Variants in ACOT2 observed in about 807,000 individuals in gnomAD.
The protein encoded by ACOT2 is acyl-CoA thioesterase 2.
Under a neutral mutation model 20.1 loss-of-function variants are expected in ACOT2, and 15 were observed. The ratio of observed to expected loss-of-function variants is 0.75; its 90% CI spans 0.50 to 1.15. ACOT2 has a LOEUF of 1.15. Ranked by LOEUF, ACOT2 falls within the 50% of genes most tolerant of loss-of-function variation. ACOT2 has a pLI of 0.00. For missense variants in ACOT2, 479 were observed against 615.3 expected (o/e 0.78, Z 2.34); for synonymous variants, 252 against 268.4 (o/e 0.94, Z 0.60).
Position 73,569,740 on chromosome 14 carries a change from A to G in ACOT2, c.500A>G (p.Glu167Gly), listed in dbSNP as rs575389126. The G allele has an allele frequency of 6.2e-7, 1 of 1,609,412 alleles. No homozygotes were observed. Among genetic ancestry groups the G allele is most frequent in the South Asian group, 1.1e-5 (1 of 90,860 alleles). ...GACGTGCGAACGCCCTTGGCCGTGGAGCTGGAGGTGCTGGATGGCCACGAC... is the reference window on the plus strand; with the variant it reads ...GACGTGCGAACGCCCTTGGCCGTGGGGCTGGAGGTGCTGGATGGCCACGAC... Reference protein sequence around the residue: ...KRDVRTPLAVELEVLDGHDPD... With the variant: ...KRDVRTPLAVGLEVLDGHDPD... Residue 167 changes from glutamate to glycine, a missense_variant, in exon 1 of 3, where the codon GAG (glutamate) becomes GGG (glycine). Physicochemically the swap from Glu to Gly is moderately conservative, Grantham distance 98. This residue lies in a region of ACOT2 where 400 missense variants were observed against 395.5 expected (regional missense o/e 1.01). Coordinates refer to ENST00000238651, the MANE Select transcript of ACOT2 (RefSeq NM_006821.6).
At chr14:73,570,023 G>T in intron 1 of ACOT2, 140 bp downstream of exon 1, 1 of 1,336,870 alleles carries the variant, frequency 7.5e-7, no homozygotes, top group Non-Finnish European at 9.9e-7. Context: ...CGAATTCCTG[G>T]TCTCCAGCTA....
intron 1 of ACOT2, among the ~76,000 whole-genome samples, chr14:73,570,951 T>C (rs1431214086): frequency 1.3e-5 from 2 of 150,296 alleles, no homozygotes; most frequent in Non-Finnish European, 3.0e-5. Flanking sequence ...TTAATGTTCT[T>C]ATTTATGTAT....
chr14:73,570,945 T>A (rs1288756899), intron 1 of ACOT2, among the ~76,000 whole-genome samples: 2 of 150,344 alleles, frequency 1.3e-5, no homozygotes, highest in Non-Finnish European at 3.0e-5. Flanking sequence ...AATTTTTTAA[T>A]GTTCTTATTT....
At chr14:73,573,824 TC>T (rs1287173343) in intron 2 of ACOT2, among the ~76,000 whole-genome samples, 4 of 151,966 alleles carry the variant, frequency 2.6e-5, no homozygotes, top group African/African-American at 9.7e-5. Flanking sequence ...CCTCCCAAGT[TC>T]AAGTGATTCT....
chr14:73,569,603 G>T lies in ACOT2; in HGVS notation c.363G>T (p.Glu121Asp). Residue 121 changes from glutamate to aspartate, a missense_variant, in exon 1 of 3, where the codon GAG becomes GAT. Coordinates refer to ENST00000238651, the MANE Select transcript of ACOT2 (RefSeq NM_006821.6). ...GCTACCGCGCCGACACTCTTGGCGA[G>T]CTGGACCTGGAGCGCGCGCCCGCGC... ...HARYRADTLG[E>D]LDLERAPALG... is the part of the protein sequence containing the mutation. 1 of 1,601,554 alleles carries T rather than the reference G, an allele frequency of 6.2e-7. No homozygotes were observed. Among genetic ancestry groups the T allele is most frequent in the Non-Finnish European group, 8.5e-7 (1 of 1,176,086 alleles).
At chr14:73,568,557 C>T (rs1181866294), upstream of ACOT2, among the ~76,000 whole-genome samples, 1 of 147,860 alleles carries the variant, frequency 6.8e-6, no homozygotes, top group Non-Finnish European at 1.5e-5. Flanking sequence ...TAGTGAGACC[C>T]TGTCTCTCAA....
chr14:73,573,965 G>T (rs549189896), intron 2 of ACOT2, among the ~76,000 whole-genome samples: 2 of 152,054 alleles, frequency 1.3e-5, no homozygotes, highest in South Asian at 4.2e-4. Context: ...GACCTCAAAT[G>T]ATCCACCTGC....
chr14:73,569,908 C>T (rs564001844), intron 1 of ACOT2, 25 bp downstream of exon 1: 2 of 1,592,786 alleles, frequency 1.3e-6, no homozygotes, highest in African/African-American at 1.3e-5. Flanking sequence ...CTAATTGTTC[C>T]GTGTTCGTTC....
Position 73,569,285 on chromosome 14 carries a change from C to G in ACOT2, c.45C>G (p.Leu15=), listed in dbSNP as rs1250039997. 2 of 1,613,936 alleles carry G rather than the reference C, an allele frequency of 1.2e-6. No individual in the cohort carries two copies. The highest frequency in any genetic ancestry group is 1.1e-5 in the South Asian group (1 of 91,064). Residue 15 remains leucine, a synonymous_variant, in exon 1 of 3, where the codon CTC becomes CTG. Transcript: ENST00000238651. ...CTCCCCACCCCCATTCAGTTGTTCT[C>G]AGGTCTGAATTCAAAATGGCCTCAT... ...LLSPHPHSVV[L]RSEFKMASSP...
chr14:73,569,497 G>A lies in ACOT2; in HGVS notation c.257G>A (p.Arg86His). 1 of 1,611,674 alleles carries A rather than the reference G, an allele frequency of 6.2e-7. No individual in the cohort carries two copies. Among genetic ancestry groups the A allele is most frequent in the Non-Finnish European group, 8.5e-7 (1 of 1,179,340 alleles). ...GACGAACCGGTGCGAATCGCCGTGCGCGGCCTAGCCCCGGAGCAGCCGGTC... is the reference window on the plus strand; with the variant it reads ...GACGAACCGGTGCGAATCGCCGTGCACGGCCTAGCCCCGGAGCAGCCGGTC... ...CWDEPVRIAV[R>H]GLAPEQPVTL... The change falls in exon 1 of 3, where the codon CGC becomes CAC. Residue 86 changes from arginine (R) to histidine (H), a missense_variant. Physicochemically the swap from Arg to His is conservative, Grantham distance 29. Around this residue, in one of 4 missense-constraint regions of ACOT2, gnomAD observed 400 missense variants for 395.5 expected, o/e 1.01. Transcript: ENST00000238651.
Position 73,573,568 on chromosome 14 carries a change from A to G in ACOT2, c.824A>G (p.Asn275Ser). ...LHLEYFEEAM[N>S]YLLSHPEVKG... ...CTGGAGTACTTTGAAGAAGCCATGA[A>G]CTACTTGCTCAGTCATCCCGAGGTT... The change falls in exon 2 of 3, where the codon AAC becomes AGC. Residue 275 changes from asparagine to serine, a missense_variant. By Grantham distance (46) the Asn-to-Ser change is conservative. Around this residue, in one of 4 missense-constraint regions of ACOT2, gnomAD observed 400 missense variants for 395.5 expected, o/e 1.01. Coordinates refer to ENST00000238651, the MANE Select transcript of ACOT2 (RefSeq NM_006821.6). The G allele has an allele frequency of 6.2e-7, 1 of 1,613,694 alleles. No homozygotes were observed. Among genetic ancestry groups the G allele is most frequent in the African/African-American group, 1.3e-5 (1 of 75,000 alleles).
chr14:73,568,656 T>TC (rs1429229994), upstream of ACOT2, among the ~76,000 whole-genome samples: 1 of 151,932 alleles, frequency 6.6e-6, no homozygotes, highest in Non-Finnish European at 1.5e-5. Context: ...CGGTGGCTCA[T>TC]GCCTGTAAAT....
intron 2 of ACOT2, among the ~76,000 whole-genome samples, chr14:73,573,942 G>C (rs111626984): frequency 3.9e-5 from 6 of 151,952 alleles, no homozygotes; most frequent in Non-Finnish European, 8.8e-5. Flanking sequence ...GGTCAGGCTG[G>C]TCTTGAACTC....
chr14:73,571,924 G>T (rs986601011), intron 1 of ACOT2, among the ~76,000 whole-genome samples: 2 of 151,852 alleles, frequency 1.3e-5, no homozygotes, highest in South Asian at 4.2e-4. Flanking sequence ...AAAATGAAAT[G>T]ATGCTTATCC....
chr14:73,572,525 A>G (rs1408886076), intron 1 of ACOT2, among the ~76,000 whole-genome samples: 4 of 151,382 alleles, frequency 2.6e-5, no homozygotes, highest in South Asian at 4.2e-4. Flanking sequence ...TGATACACAG[A>G]AAGTCCAGGA....
chr14:73,567,654 C>G (rs1889630100), upstream of ACOT2: 1 of 152,078 alleles, frequency 6.6e-6, no homozygotes, highest in African/African-American at 2.4e-5. Flanking sequence ...CTGATGGAAG[C>G]TTTGTTCTTT....
chr14:73,573,414 G>A lies in ACOT2; in HGVS notation c.670G>A (p.Asp224Asn). 1 of 1,613,722 alleles carries A rather than the reference G, an allele frequency of 6.2e-7. No homozygotes were observed. Among genetic ancestry groups the A allele is most frequent in the Non-Finnish European group, 8.5e-7 (1 of 1,179,722 alleles). Residue 224 changes from aspartate to asparagine, a missense_variant, in exon 2 of 3, where the codon GAC (aspartate) becomes AAC (asparagine). Transcript: ENST00000238651. ...ACCTGGGCCCTTTCCTGGGATTGTG[G>A]ACATGTTCGGAACTGGAGGTGGCCT... ...PEPGPFPGIV[D>N]MFGTGGGLLE...
intron 1 of ACOT2, chr14:73,571,292 C>T (rs1267389194): frequency 1.2e-5 from 2 of 162,140 alleles, no homozygotes; most frequent in East Asian, 1.8e-4. Flanking sequence ...AGCAAGTCCC[C>T]AAAGACCACG....
rs1889678183 is a variant in ACOT2, at chr14:73,569,774, CG to C, written c.537del (p.Arg180GlyfsTer68). 6.2e-7 allele frequency: 1 copy of C among 1,606,574 alleles called. No individual in the cohort carries two copies. Among genetic ancestry groups the C allele is most frequent in the African/African-American group, 1.3e-5 (1 of 74,780 alleles). ...TGCTGGATGGCCACGACCCCGACCCCGGGCGGCTGCTGTGCCAGACGCGGCA... is the reference window on the plus strand; with the variant it reads ...TGCTGGATGGCCACGACCCCGACCCCGGCGGCTGCTGTGCCAGACGCGGCA... Reference protein sequence around the residue: ...EVLDGHDPDPGRLLCQTRHER... With the variant: ...EVLDGHDPDPXRLLCQTRHER... On this transcript the variant is annotated frameshift_variant, in exon 1 of 3. Transcript: ENST00000238651. LOFTEE classifies it high-confidence loss of function.
Sources: gnomAD v4.1 joint callset for allele counts (sites outside exome capture counted in the v4.1 genomes callset) on GRCh38, gnomAD v4.1.1 for gene constraint, gnomAD v4.1.1 regional missense constraint, MANE v1.5 for transcripts, NCBI Gene and HGNC (gene_info 2026-07-23, HGNC 2026-07-21) for gene names.